ZNF490: variants seen among roughly 807,000 people sequenced by gnomAD.
ZNF490 encodes the protein zinc finger protein 490.
A neutral mutation model predicts 17.7 loss-of-function variants in ZNF490; 11 were observed. The observed-to-expected ratio is 0.62, with a 90% CI of 0.39 to 1.03. The LOEUF (loss-of-function observed/expected upper bound fraction) is 1.03, where lower values mean the gene tolerates loss of function less well. ZNF490 is among the 50% of genes least tolerant of loss of function. The probability of loss-of-function intolerance (pLI) is 0.00; values close to 1 mark genes in which losing one functional copy is unlikely to be tolerated. For synonymous variants in ZNF490, 222 were observed against 216.1 expected (o/e 1.03, Z -0.24); for missense variants, 542 against 643.4 (o/e 0.84, Z 1.71).
rs1192308407 is a variant in ZNF490, at chr19:12,579,642, C to A, written c.*843G>T. ...CCTGGTCAACATGGTGAAACACTGT[C>A]TCTACTAAAAATATAAAAATTAGCT... On this transcript the variant is annotated 3_prime_UTR_variant, in exon 5 of 5. Transcript: ENST00000311437. 1 of 151,894 alleles carries A rather than the reference C, an allele frequency of 6.6e-6. No individual in the cohort carries two copies. Among genetic ancestry groups the A allele is most frequent in the African/African-American group, 2.4e-5 (1 of 41,334 alleles). The allele number at this position is 151,894 out of a possible 1,614,324, so 9.4% of individuals were successfully genotyped here. A position where few individuals can be genotyped will look rare whatever the true frequency, so the allele number is the denominator to read the frequency against.
At chr19:12,607,265 A>G (rs2023079857) in intron 2 of ZNF490, among the ~76,000 whole-genome samples, 1 of 150,680 alleles carries the variant, frequency 6.6e-6, no homozygotes, top group Non-Finnish European at 1.5e-5. Context: ...ATCTCGGCTC[A>G]CTGCAACCTC....
chr19:12,591,184 T>C (rs1395786577), intron 2 of ZNF490, among the ~76,000 whole-genome samples: 1 of 151,164 alleles, frequency 6.6e-6, no homozygotes, highest in Non-Finnish European at 1.5e-5. Flanking sequence ...AGGTCAGGAA[T>C]TTGAGACCAG....
chr19:12,581,291 G>C lies in ZNF490; in HGVS notation c.784C>G (p.Leu262Val). ...CKECGKAFRY[L>V]TALRRHEKNH... is the part of the protein sequence containing the mutation. ...TTTTCATGGCGCCGAAGAGCAGTGA[G>C]ATATCTGAATGCCTTCCCACATTCC... is the stretch of plus-strand genomic sequence containing the variant. Residue 262 changes from leucine to valine, a missense_variant, in exon 5 of 5, where the codon CTC becomes GTC. Coordinates refer to ENST00000311437, the MANE Select transcript of ZNF490 (RefSeq NM_020714.3). The C allele has an allele frequency of 6.2e-7, 1 of 1,613,966 alleles. No homozygotes were observed. The highest frequency in any genetic ancestry group is 8.5e-7 in the Non-Finnish European group (1 of 1,179,994).
At chr19:12,583,754 GCGCTCTCTCTCTCT>G (rs1220288675) in intron 2 of ZNF490, among the ~76,000 whole-genome samples, 198 bp from the exon 3 acceptor site, 1,039 of 70,214 alleles carry the variant, frequency 0.015, 36 homozygotes, top group African/African-American at 0.044. Context: ...AAAAATTATT[GCGCTCTCTCTCTCT>G]CTCTCTCTCT....
At chr19:12,598,927 C>T (rs1295624769) in intron 2 of ZNF490, among the ~76,000 whole-genome samples, 3 of 149,866 alleles carry the variant, frequency 2.0e-5, no homozygotes, top group Non-Finnish European at 3.0e-5. Flanking sequence ...GCAGAGGTTG[C>T]GGTGAGCCGA....
intron 2 of ZNF490, among the ~76,000 whole-genome samples, chr19:12,597,907 C>CAAAATTA (rs750363378): frequency 1.3e-5 from 2 of 152,068 alleles, no homozygotes; most frequent in African/African-American, 2.4e-5. Flanking sequence ...CCCGCCTCTA[C>CAAAATTA]AAAATTAAAA....
chr19:12,583,134 C>T (rs960615967), intron 3 of ZNF490, among the ~76,000 whole-genome samples: 13 of 151,802 alleles, frequency 8.6e-5, no homozygotes, highest in Admixed American at 6.6e-4. Context: ...CTCGGCCTCC[C>T]GGGTTCAAGC....
intron 2 of ZNF490, among the ~76,000 whole-genome samples, chr19:12,595,151 T>A (rs2022916126): frequency 6.6e-6 from 1 of 152,108 alleles, no homozygotes; most frequent in African/African-American, 2.4e-5. Context: ...CTCTCTCTTT[T>A]TTTTTTTGAG....
intron 3 of ZNF490, among the ~76,000 whole-genome samples, 173 bp from the exon 4 acceptor site, chr19:12,583,083 C>G (rs1156267618): frequency 6.6e-6 from 1 of 151,278 alleles, no homozygotes; most frequent in Non-Finnish European, 1.5e-5. Context: ...TCGCTGTTGC[C>G]CAGGCTGGAG....
Position 12,610,561 on chromosome 19 carries a change from T to C in ZNF490, c.117+3A>G. 3 of 1,611,886 alleles carry C rather than the reference T, an allele frequency of 1.9e-6. No individual in the cohort carries two copies. Among genetic ancestry groups the C allele is most frequent in the Non-Finnish European group, 2.5e-6 (3 of 1,178,124 alleles). On this transcript the variant is annotated splice_donor_region_variant and intron_variant, in intron 1 of 4. Coordinates refer to ENST00000311437, the MANE Select transcript of ZNF490 (RefSeq NM_020714.3). ...TTACAACATTATGCCAAGCCCCTGG[T>C]ACCTGGAGGACATCAGACCCTCCTG...
In ZNF490 at chr19:12,584,841, A is replaced by G. The variant is rs78625236; in HGVS notation, c.163-1285T>C. ...TGGCTGAATGAAAATATTCTTCTGC[A>G]TTAGTATTAATTTCAACGTGTTTGT... On this transcript the variant is annotated intron_variant, in intron 2 of 4. Coordinates refer to ENST00000311437, the MANE Select transcript of ZNF490 (RefSeq NM_020714.3). 5.8e-4 allele frequency among the ~76,000 whole-genome samples: 55 copies of G among 94,468 alleles called. 11 individuals carry two copies. In the East Asian group the frequency reaches 0.01, roughly 18 times the overall value. The allele number at this position is 94,468 out of a possible 152,430, so 62.0% of individuals were successfully genotyped here. A position where few individuals can be genotyped will look rare whatever the true frequency, so the allele number is the denominator to read the frequency against.
At chr19:12,606,062 T>G (rs1197477205) in intron 2 of ZNF490, among the ~76,000 whole-genome samples, 5 of 152,074 alleles carry the variant, frequency 3.3e-5, no homozygotes, top group African/African-American at 4.8e-5. Context: ...GTATTTTTAG[T>G]AGAAACAGGG....
Position 12,610,808 on chromosome 19 carries a change from C to G in ZNF490, c.-128G>C, listed in dbSNP as rs1362687881. ...TCCGTCCCACCGGCGGAAGCGAGATCTGCCTAGCTACTAGACCTGCTGCCT... is the reference window on the plus strand; with the variant it reads ...TCCGTCCCACCGGCGGAAGCGAGATGTGCCTAGCTACTAGACCTGCTGCCT... On this transcript the variant is annotated 5_prime_UTR_variant, in exon 1 of 5. Transcript: ENST00000311437. The G allele has an allele frequency of 3.0e-6, 3 of 987,246 alleles. No individual in the cohort carries two copies. Among genetic ancestry groups the G allele is most frequent in the Non-Finnish European group, 4.7e-6 (3 of 637,358 alleles). The allele number at this position is 987,246 out of a possible 1,614,324, so 61.2% of individuals were successfully genotyped here. A position where few individuals can be genotyped will look rare whatever the true frequency, so the allele number is the denominator to read the frequency against.
At chr19:12,582,586 G>A (rs1293364435) in intron 4 of ZNF490, among the ~76,000 whole-genome samples, 1 of 151,792 alleles carries the variant, frequency 6.6e-6, no homozygotes, top group South Asian at 2.1e-4. Flanking sequence ...AGTAGAGACA[G>A]GGTTTCATCA....
In ZNF490 at chr19:12,584,517, C is replaced by A. The variant is rs1009187523; in HGVS notation, c.163-961G>T. Among the ~76,000 whole-genome samples the A allele has an allele frequency of 4.2e-5, 4 of 94,170 alleles. 1 individual carries two copies. Among genetic ancestry groups the A allele is most frequent in the Admixed American group, 3.0e-4 (3 of 10,064 alleles). The allele number at this position is 94,170 out of a possible 152,430, so 61.8% of individuals were successfully genotyped here. On this transcript the variant is annotated intron_variant, in intron 2 of 4. Coordinates refer to ENST00000311437, the MANE Select transcript of ZNF490 (RefSeq NM_020714.3). ...TTGGATATATGAGAGAAATGCTGTA[C>A]AAATGAAACAAATTGTAAGATCATC... is the stretch of plus-strand genomic sequence containing the variant.
intron 2 of ZNF490, among the ~76,000 whole-genome samples, chr19:12,595,326 G>C (rs568393719): frequency 6.6e-6 from 1 of 151,874 alleles, no homozygotes; most frequent in Non-Finnish European, 1.5e-5. Flanking sequence ...TAGAGAAGGG[G>C]GTTTCTCCAT....
In ZNF490 at chr19:12,576,183, G is replaced by A. The variant is rs910796349; in HGVS notation, c.*4302C>T. ...TCACCAGCTCCATTCAGTGTTAAGGGGGGTGCTCCCAGGGAAATCAGGCAA... is the reference window on the plus strand; with the variant it reads ...TCACCAGCTCCATTCAGTGTTAAGGAGGGTGCTCCCAGGGAAATCAGGCAA... On this transcript the variant is annotated 3_prime_UTR_variant, in exon 5 of 5. Transcript: ENST00000311437. Among the ~76,000 whole-genome samples the A allele has an allele frequency of 1.3e-5, 2 of 152,084 alleles. No homozygotes were observed. The highest frequency in any genetic ancestry group is 4.8e-5 in the African/African-American group (2 of 41,408).
At chr19:12,603,187 A>G (rs1164439564) in intron 2 of ZNF490, among the ~76,000 whole-genome samples, 2 of 152,124 alleles carry the variant, frequency 1.3e-5, no homozygotes, top group Non-Finnish European at 2.9e-5. Flanking sequence ...CTAAGCGACT[A>G]GAGCAATTGG....
Position 12,600,607 on chromosome 19 carries a change from G to T in ZNF490, c.162+8551C>A, listed in dbSNP as rs760059606. On this transcript the variant is annotated intron_variant, in intron 2 of 4. Transcript: ENST00000311437. Reference sequence around the variant, plus strand: ...TATCAGTAATAATTATAATTATTATGTTAAATTATTGTGTGCCACAGAGTA... The same window carrying T: ...TATCAGTAATAATTATAATTATTATTTTAAATTATTGTGTGCCACAGAGTA... Among the ~76,000 whole-genome samples, 167 of 152,136 alleles carry T rather than the reference G, an allele frequency of 1.1e-3. 1 individual carries two copies. The highest frequency in any genetic ancestry group is 2.1e-3 in the Non-Finnish European group (141 of 68,006).
Sources: gnomAD v4.1 joint callset for allele counts (sites outside exome capture counted in the v4.1 genomes callset) on GRCh38, gnomAD v4.1.1 for gene constraint, MANE v1.5 for transcripts, NCBI Gene and HGNC (gene_info 2026-07-23, HGNC 2026-07-21) for gene names.